UBOX5: variants seen among roughly 807,000 people sequenced by gnomAD.
UBOX5 encodes RING finger protein 37.
A neutral mutation model predicts 39.0 loss-of-function variants in UBOX5; 28 were observed. That is an observed-to-expected ratio of 0.72 (90% CI 0.53 to 0.98). The LOEUF (loss-of-function observed/expected upper bound fraction) is 0.98, where lower values mean the gene tolerates loss of function less well. Ranked by LOEUF, UBOX5 falls within the 50% of genes least tolerant of loss-of-function variation. UBOX5 has a pLI of 0.00. For synonymous variants in UBOX5, 283 were observed against 275.5 expected (o/e 1.03, Z -0.27); for missense variants, 585 against 674.4 (o/e 0.87, Z 1.47).
At chr20:3,144,551 T>C (rs913158064) in intron 1 of UBOX5, among the ~76,000 whole-genome samples, 1 of 152,184 alleles carries the variant, frequency 6.6e-6, no homozygotes, top group Admixed American at 6.5e-5. Flanking sequence ...TAAATCTCCC[T>C]GACCTTGGAC....
rs1178768769 is a variant in UBOX5, at chr20:3,109,385, C to A, written c.*721G>T. 1.3e-5 allele frequency: 2 copies of A among 152,346 alleles called. No individual in the cohort carries two copies. The highest frequency in any genetic ancestry group is 2.9e-5 in the Non-Finnish European group (2 of 68,150). 9.4% of individuals were successfully genotyped at this position (152,346 alleles called of 1,614,324 possible). A position where few individuals can be genotyped will look rare whatever the true frequency, so the allele number is the denominator to read the frequency against. ...GGCACTGGCCAGAGGGAGCCCTCCACCCTCCCACCACGTATGCCCACCTGC... is the reference window on the plus strand; with the variant it reads ...GGCACTGGCCAGAGGGAGCCCTCCAACCTCCCACCACGTATGCCCACCTGC... On this transcript the variant is annotated 3_prime_UTR_variant, in exon 5 of 5. Coordinates refer to ENST00000217173, the MANE Select transcript of UBOX5 (RefSeq NM_014948.4).
intron 4 of UBOX5, among the ~76,000 whole-genome samples, chr20:3,112,506 C>A (rs1364780708): frequency 2.0e-5 from 3 of 150,866 alleles, no homozygotes; most frequent in Non-Finnish European, 2.9e-5. Context: ...TATATAACTG[C>A]AAACTGAGGT....
At chr20:3,117,287 GCACACACACACACACACA>G (rs11468015) in intron 3 of UBOX5, among the ~76,000 whole-genome samples, 35 of 147,518 alleles carry the variant, frequency 2.4e-4, no homozygotes, top group African/African-American at 7.8e-4. Flanking sequence ...ACCAAAGATG[GCACACACACACACACACA>G]CACACACACA....
chr20:3,111,051 C>T (rs964888654), intron 4 of UBOX5, among the ~76,000 whole-genome samples: 1 of 152,124 alleles, frequency 6.6e-6, no homozygotes, highest in Non-Finnish European at 1.5e-5. Context: ...CCTGTGCTGC[C>T]CTGGCCCTCT....
chr20:3,125,066 G>A (rs189024685), intron 1 of UBOX5, among the ~76,000 whole-genome samples: 1 of 145,176 alleles, frequency 6.9e-6, no homozygotes, highest in African/African-American at 2.6e-5. Context: ...GAGCATCTCT[G>A]CCTGGCCGCC....
At chr20:3,131,228 CA>C (rs112248218) in intron 1 of UBOX5, among the ~76,000 whole-genome samples, 1,512 of 116,172 alleles carry the variant, frequency 0.013, 25 homozygotes, top group African/African-American at 0.039. Context: ...GACTCCATCT[CA>C]AAAAAAAAAA....
chr20:3,135,925 C>G (rs1357276687), intron 1 of UBOX5: 1 of 152,240 alleles, frequency 6.6e-6, no homozygotes, highest in Non-Finnish European at 1.5e-5. Context: ...ACCTTTAATC[C>G]CAACACTTTG....
intron 1 of UBOX5, among the ~76,000 whole-genome samples, chr20:3,131,055 C>A (rs1448772532): frequency 6.6e-6 from 1 of 151,952 alleles, no homozygotes; most frequent in Admixed American, 6.6e-5. Flanking sequence ...TATGGTGAAA[C>A]CCTATCTCTA....
In UBOX5 at chr20:3,115,367, C is replaced by A; in HGVS notation, c.1355G>T (p.Gly452Val). 6.2e-7 allele frequency: 1 copy of A among 1,614,148 alleles called. No individual in the cohort carries two copies. Among genetic ancestry groups the A allele is most frequent in the East Asian group, 2.2e-5 (1 of 44,876 alleles). The change falls in exon 4 of 5, where the codon GGA becomes GTA. Residue 452 changes from glycine (G) to valine (V), a missense_variant. By Grantham distance (109) the Gly-to-Val change is moderately radical. Coordinates refer to ENST00000217173, the MANE Select transcript of UBOX5 (RefSeq NM_014948.4). ...TCTTGTGCCAAGGTGCTGGAGCTGT[C>A]CCCTGGTCAGCCGTGCCGTGAAGGA... is the stretch of plus-strand genomic sequence containing the variant. ...MPSFTARLTR[G>V]QLQHLGTRGS...
intron 1 of UBOX5, among the ~76,000 whole-genome samples, chr20:3,155,457 C>T (rs932707832): frequency 2.6e-5 from 4 of 151,472 alleles, no homozygotes; most frequent in African/African-American, 7.3e-5. Context: ...CTTGAACCCG[C>T]GAGGCAGAGG....
intron 3 of UBOX5, 122 bp downstream of exon 3, chr20:3,121,262 G>A: frequency 7.1e-7 from 1 of 1,411,188 alleles, no homozygotes; most frequent in East Asian, 2.3e-5. Flanking sequence ...ACGGGAAGGA[G>A]GCAGCACAGG....
chr20:3,122,883 A>G (rs1461839236), intron 2 of UBOX5, among the ~76,000 whole-genome samples: 1 of 152,100 alleles, frequency 6.6e-6, no homozygotes, highest in Non-Finnish European at 1.5e-5. Context: ...CAGGAGTTAG[A>G]TAGGCCTGGG....
chr20:3,130,307 T>C (rs2066419763), intron 1 of UBOX5, among the ~76,000 whole-genome samples: 1 of 150,274 alleles, frequency 6.7e-6, no homozygotes, highest in South Asian at 2.1e-4. Context: ...AATTCTCCTT[T>C]TGGGAGACAT....
chr20:3,147,394 G>C (rs1392961802), intron 1 of UBOX5: 1 of 1,614,172 alleles, frequency 6.2e-7, no homozygotes, highest in South Asian at 1.1e-5. Flanking sequence ...CAGTTTCTAA[G>C]AATTCAGGCT....
chr20:3,158,621 C>T (rs1390787635), intron 1 of UBOX5, among the ~76,000 whole-genome samples: 1 of 152,136 alleles, frequency 6.6e-6, no homozygotes, highest in South Asian at 2.1e-4. Context: ...ACTACAGGCG[C>T]CCGCCACCAC....
At chr20:3,157,333 T>C (rs558006383) in intron 1 of UBOX5, among the ~76,000 whole-genome samples, 1 of 152,316 alleles carries the variant, frequency 6.6e-6, no homozygotes, top group South Asian at 2.1e-4. Flanking sequence ...CAAAGGTGTT[T>C]AGGTCAAGTT....
At position 3,149,593 on chromosome 20, in the gene UBOX5, G is replaced by A. The variant is rs1040028627; in HGVS notation, c.-42+10173C>T. ...AAGAAGGAAGGCAGATTTCTAGAAAGAAGGCTGGGAACAAAAGTGAGCAAC... is the reference window on the plus strand; with the variant it reads ...AAGAAGGAAGGCAGATTTCTAGAAAAAAGGCTGGGAACAAAAGTGAGCAAC... On this transcript the variant is annotated intron_variant, in intron 1 of 4. Transcript: ENST00000217173. This position sits in a 1 kb window ranked among gnomAD's most constrained non-coding sequence, Gnocchi z 4.1. 8.5e-5 allele frequency among the ~76,000 whole-genome samples: 13 copies of A among 152,228 alleles called. No homozygotes were observed. Among genetic ancestry groups the A allele is most frequent in the African/African-American group, 2.4e-5 (1 of 41,460 alleles).
intron 1 of UBOX5, chr20:3,148,071 C>G (rs1288589039): frequency 5.0e-6 from 8 of 1,614,048 alleles, no homozygotes; most frequent in African/African-American, 1.3e-5. Flanking sequence ...ATGACAAATT[C>G]AGAGAGATTA....
chr20:3,154,030 C>T (rs2066659416), intron 1 of UBOX5, among the ~76,000 whole-genome samples: 1 of 152,182 alleles, frequency 6.6e-6, no homozygotes, highest in South Asian at 2.1e-4. Context: ...CTGAAATCTA[C>T]ATGAGGCAAA....
Sources: gnomAD v4.1 joint callset for allele counts (sites outside exome capture counted in the v4.1 genomes callset) on GRCh38, gnomAD v4.1.1 for gene constraint, Gnocchi (gnomAD v3.1) non-coding constraint, MANE v1.5 for transcripts, NCBI Gene and HGNC (gene_info 2026-07-23, HGNC 2026-07-21) for gene names.